The following PARVB variants were observed in gnomAD, a reference collection of about 807,000 sequenced individuals.
The protein encoded by PARVB is beta-parvin.
A neutral mutation model predicts 47.0 loss-of-function variants in PARVB; 46 were observed. That is an observed-to-expected ratio of 0.98 (90% CI 0.77 to 1.25). The LOEUF (loss-of-function observed/expected upper bound fraction) is 1.25. Ranked by LOEUF, PARVB falls within the 50% of genes most tolerant of loss-of-function variation. The probability of loss-of-function intolerance (pLI) is 0.00; values close to 1 mark genes in which losing one functional copy is unlikely to be tolerated. For missense variants in PARVB, 473 were observed against 471.6 expected (o/e 1.00, Z -0.03); for synonymous variants, 196 against 196.3 (o/e 1.00, Z 0.01).
At chr22:44,066,802 C>T (rs13054911) in intron 1 of PARVB, among the ~76,000 whole-genome samples, 15 of 134,112 alleles carry the variant, frequency 1.1e-4, no homozygotes, top group East Asian at 6.5e-4. Flanking sequence ...CCTCCTCCTC[C>T]TCCTCCTCCT....
intron 2 of PARVB, among the ~76,000 whole-genome samples, chr22:44,098,614 C>T (rs970934819): frequency 2.0e-5 from 3 of 152,066 alleles, no homozygotes; most frequent in East Asian, 1.9e-4. Flanking sequence ...TGGGAGGCTG[C>T]GGAGGCCTTT....
chr22:44,053,701 C>G (rs934343743), intron 1 of PARVB, among the ~76,000 whole-genome samples: 3 of 152,252 alleles, frequency 2.0e-5, no homozygotes, highest in African/African-American at 4.8e-5. Context: ...AGACTCTGAA[C>G]AGTGGCTGTA....
chr22:44,056,076 A>G (rs5764489), intron 1 of PARVB, among the ~76,000 whole-genome samples: 41,881 of 152,190 alleles, frequency 0.28, 8,043 homozygotes, highest in African/African-American at 0.55. Context: ...TTGCACACGC[A>G]TGCATCTCTG....
intron 2 of PARVB, among the ~76,000 whole-genome samples, chr22:44,011,310 A>G (rs1273372573): frequency 2.0e-5 from 3 of 152,026 alleles, no homozygotes; most frequent in African/African-American, 4.8e-5. Context: ...TCAAGCTACA[A>G]TAGCAAAATT....
rs550270180 is a variant in PARVB at position 44,134,992 on chromosome 22, C to G, written c.634-1468C>G. Among the ~76,000 whole-genome samples the G allele has an allele frequency of 7.9e-5, 12 of 152,218 alleles. 1 individual carries two copies. Among genetic ancestry groups the G allele is most frequent in the Middle Eastern group, 3.2e-3 (1 of 316 alleles). On this transcript the variant is annotated intron_variant, in intron 6 of 12. Transcript: ENST00000338758. ...GTCTGGACCTTCCTTGGCAGGCACT[C>G]CTGAGAATCAGGATAAATGTCACCC...
chr22:44,147,456 G>A (rs9680627), intron 8 of PARVB: 46,643 of 356,346 alleles, frequency 0.13, 4,998 homozygotes, highest in South Asian at 0.28. Flanking sequence ...GGCCACCGTC[G>A]CGGGGGAAGT....
intron 1 of PARVB, among the ~76,000 whole-genome samples, chr22:44,062,931 C>G (rs1459539404): frequency 6.6e-6 from 1 of 152,172 alleles, no homozygotes; most frequent in East Asian, 1.9e-4. Flanking sequence ...AGCCCCTCTC[C>G]CCTTTCTGGA....
intron 1 of PARVB, among the ~76,000 whole-genome samples, chr22:44,087,963 G>T (rs2052070099): frequency 6.6e-6 from 1 of 151,536 alleles, no homozygotes; most frequent in African/African-American, 2.4e-5. Context: ...CGCTTCCCGA[G>T]GGGTGGCTGC....
chr22:44,078,121 G>A lies in PARVB; in HGVS notation c.113-15807G>A, dbSNP rs114288240. Among the ~76,000 whole-genome samples, 1,032 of 152,290 alleles carry A rather than the reference G, an allele frequency of 6.8e-3. 11 individuals carry two copies. Among genetic ancestry groups the A allele is most frequent in the African/African-American group, 0.023 (972 of 41,570 alleles). On this transcript the variant is annotated intron_variant, in intron 1 of 12. Coordinates refer to ENST00000338758, the MANE Select transcript of PARVB (RefSeq NM_013327.5). ...TTGGAGCCCCAAGCTCACAGCGTGGGTCCTTGTCACATGTCCTGTGAGCTC... is the reference window on the plus strand; with the variant it reads ...TTGGAGCCCCAAGCTCACAGCGTGGATCCTTGTCACATGTCCTGTGAGCTC...
intron 2 of PARVB, among the ~76,000 whole-genome samples, chr22:44,002,685 G>A (rs11912144): frequency 0.021 from 3,253 of 152,258 alleles, 128 homozygotes; most frequent in African/African-American, 0.074. Context: ...TGCATTAAAC[G>A]TGAGGCCTGT....
intron 1 of PARVB, among the ~76,000 whole-genome samples, chr22:44,056,379 C>T (rs1309787030): frequency 1.3e-5 from 2 of 152,216 alleles, no homozygotes; most frequent in Admixed American, 6.5e-5. Flanking sequence ...CACACGGATG[C>T]AGCGTTGCCC....
intron 2 of PARVB, among the ~76,000 whole-genome samples, chr22:44,018,422 T>C (rs2146864558): frequency 6.6e-6 from 1 of 152,154 alleles, no homozygotes; most frequent in East Asian, 1.9e-4. Flanking sequence ...AACAAAAAAC[T>C]AACCACATGC....
upstream of PARVB, among the ~76,000 whole-genome samples, chr22:44,023,117 T>C (rs2146873673): frequency 6.6e-6 from 1 of 152,308 alleles, no homozygotes; most frequent in South Asian, 2.1e-4. Flanking sequence ...GCTTTTCTCC[T>C]AAGTCACCGT....
At chr22:44,058,614 G>A (rs1047680959) in intron 1 of PARVB, among the ~76,000 whole-genome samples, 6 of 146,452 alleles carry the variant, frequency 4.1e-5, no homozygotes, top group Admixed American at 7.0e-5. Context: ...GAGTGCAATG[G>A]CACGATCTTG....
At chr22:44,023,597 T>G (rs143293769), upstream of PARVB, among the ~76,000 whole-genome samples, 274 of 136,458 alleles carry the variant, frequency 2.0e-3, 4 homozygotes, top group South Asian at 0.032. Context: ...TAAAATAAAA[T>G]AAAATAAAAA....
chr22:44,017,906 ATTGT>A (rs909668295), intron 2 of PARVB, among the ~76,000 whole-genome samples: 5 of 152,152 alleles, frequency 3.3e-5, no homozygotes, highest in African/African-American at 9.6e-5. Context: ...AAAGCAGGCT[ATTGT>A]TTGAGAATGA....
At chr22:44,117,385 T>TG (rs1468022569) in intron 3 of PARVB, among the ~76,000 whole-genome samples, 1 of 59,074 alleles carries the variant, frequency 1.7e-5, no homozygotes, top group African/African-American at 6.5e-5. Context: ...CTGTGGGCCA[T>TG]GGGGGGTGGG....
chr22:44,041,584 C>A (rs1390967576), intron 1 of PARVB, among the ~76,000 whole-genome samples: 1 of 151,972 alleles, frequency 6.6e-6, no homozygotes, highest in African/African-American at 2.4e-5. Flanking sequence ...GGGCCTGATA[C>A]ATAATAAAAG....
intron 2 of PARVB, among the ~76,000 whole-genome samples, chr22:44,097,654 A>G (rs4823191): frequency 0.5 from 75,800 of 151,946 alleles, 19,489 homozygotes; most frequent in East Asian, 0.86. Context: ...TCACCAGGTG[A>G]CCAGGAGATC....
Sources: gnomAD v4.1 joint callset for allele counts (sites outside exome capture counted in the v4.1 genomes callset) on GRCh38, gnomAD v4.1.1 for gene constraint, MANE v1.5 for transcripts, NCBI Gene and HGNC (gene_info 2026-07-23, HGNC 2026-07-21) for gene names.